MEG3: variants seen among roughly 807,000 people sequenced by gnomAD.
MEG3 encodes maternally expressed 3.
At chr14:100,843,007 A>G (rs1386014327) in intron 2 of MEG3, among the ~76,000 whole-genome samples, 1 of 152,190 alleles carries the variant, frequency 6.6e-6, no homozygotes, top group African/African-American at 2.4e-5. Context: ...CTAGCCCAGC[A>G]CTGCGTTATT....
At chr14:100,852,126 G>A (rs924898273) in intron 3 of MEG3, 4 of 342,482 alleles carry the variant, frequency 1.2e-5, no homozygotes, top group Non-Finnish European at 1.2e-5. Flanking sequence ...AGTGGGAGGC[G>A]TCATGCTCAG....
intron 2 of MEG3, among the ~76,000 whole-genome samples, chr14:100,844,455 C>A (rs780534996): frequency 5.4e-5 from 8 of 149,522 alleles, no homozygotes; most frequent in Non-Finnish European, 8.9e-5. Context: ...TCATTCAACA[C>A]ATTTTTTAAA....
intron 2 of MEG3, chr14:100,836,429 A>G (rs1283133158): frequency 2.4e-6 from 1 of 424,568 alleles, no homozygotes; most frequent in Non-Finnish European, 4.6e-6. Flanking sequence ...TTCTCTTCAC[A>G]TCAGCCCCAG....
downstream of MEG3, chr14:100,834,064 C>A (rs144291542): frequency 6.6e-6 from 1 of 152,242 alleles, no homozygotes; most frequent in Non-Finnish European, 1.5e-5. Flanking sequence ...TTTGCCAAGG[C>A]GAGACTTTCC....
chr14:100,827,992 G>T lies in MEG3; in HGVS notation n.372-716G>T, dbSNP rs572916911. On this transcript the variant is annotated intron_variant and non_coding_transcript_variant, in intron 1 of 2. Transcript: ENST00000556407. ...GGGCTGGGGCCCGGTGGCTGGGGGC[G>T]CAGGAGGCGCCTGGTGCGGGCGGGA... Among the ~76,000 whole-genome samples the T allele has an allele frequency of 5.8e-4, 88 of 152,304 alleles. No homozygotes were observed. The South Asian group carries it at 9.7e-3, about 17-fold the overall frequency.
At chr14:100,857,437 G>T (rs963796166) in exon 1 of MEG3, 6 of 152,192 alleles carry the variant, frequency 3.9e-5, no homozygotes, top group African/African-American at 1.4e-4. Flanking sequence ...CTGGGAATGG[G>T]CATATGTTGG....
At chr14:100,848,518 T>C (rs952785573) in intron 3 of MEG3, 1 of 151,800 alleles carries the variant, frequency 6.6e-6, no homozygotes, top group Non-Finnish European at 1.5e-5. Context: ...GGGATGAGGG[T>C]CATTGATCCT....
chr14:100,840,495 GC>G (rs1371983798), intron 2 of MEG3, among the ~76,000 whole-genome samples: 2 of 123,204 alleles, frequency 1.6e-5, no homozygotes, highest in African/African-American at 6.1e-5. Flanking sequence ...AATGGAAGGT[GC>G]CTTTTTTTCC....
At chr14:100,847,430 G>A (rs1299920970) in intron 3 of MEG3, 1 of 152,198 alleles carries the variant, frequency 6.6e-6, no homozygotes. Flanking sequence ...GAAAGGATAT[G>A]AGAAAGGTAA....
chr14:100,835,690 C>G (rs1287133849), exon 1 of MEG3: 5 of 168,488 alleles, frequency 3.0e-5, no homozygotes, highest in Non-Finnish European at 6.2e-5. Context: ...CTGAGTACCA[C>G]TCCCCTGCCC....
chr14:100,834,900 G>C, exon 1 of MEG3: 1 of 433,504 alleles, frequency 2.3e-6, no homozygotes, highest in Non-Finnish European at 4.7e-6. Flanking sequence ...CGGGGGCCTT[G>C]CTGGTCGCGT....
chr14:100,842,231 T>C (rs865909461), intron 2 of MEG3, among the ~76,000 whole-genome samples: 32 of 152,156 alleles, frequency 2.1e-4, no homozygotes, highest in African/African-American at 7.7e-4. Context: ...GGCAGACTGC[T>C]TTCCCAAGGC....
intron 2 of MEG3, among the ~76,000 whole-genome samples, chr14:100,838,085 G>T (rs549037515): frequency 6.6e-6 from 1 of 152,176 alleles, no homozygotes; most frequent in Non-Finnish European, 1.5e-5. Context: ...GGGGTCCTGG[G>T]GGGATCCTGT....
chr14:100,837,904 C>T lies in MEG3; in HGVS notation n.3045+1604C>T, dbSNP rs2139961852. On this transcript the variant is annotated intron_variant and non_coding_transcript_variant, in intron 2 of 3. Transcript: ENST00000398461. This position sits in a 1 kb window ranked among gnomAD's most constrained non-coding sequence, Gnocchi z 5.8. ...TCTGCTCTCTGGAGAGCCCCAGAGC[C>T]TGGAGAGACGGGGAGGGGAGTGTGT... 6.6e-6 allele frequency among the ~76,000 whole-genome samples: 1 copy of T among 152,074 alleles called. No individual in the cohort carries two copies. Among genetic ancestry groups the T allele is most frequent in the Non-Finnish European group, 1.5e-5 (1 of 67,990 alleles).
intron 2 of MEG3, chr14:100,836,326 C>G: frequency 2.2e-6 from 1 of 455,780 alleles, no homozygotes; most frequent in Non-Finnish European, 4.4e-6. Context: ...TCTTGAGACC[C>G]AGGATTTTAT....
intron 2 of MEG3, among the ~76,000 whole-genome samples, chr14:100,843,361 G>A (rs1240202111): frequency 1.3e-5 from 2 of 152,174 alleles, no homozygotes; most frequent in South Asian, 2.1e-4. Context: ...AGGACGTGGC[G>A]ATGGTGAGAG....
chr14:100,826,774 A>G (rs1232692812), intron 1 of MEG3, among the ~76,000 whole-genome samples: 2 of 152,072 alleles, frequency 1.3e-5, no homozygotes, highest in Non-Finnish European at 2.9e-5. Context: ...GAATCCAAAT[A>G]CACAGGTTTA....
chr14:100,848,486 G>T (rs905329293), intron 3 of MEG3: 1 of 152,210 alleles, frequency 6.6e-6, no homozygotes, highest in Non-Finnish European at 1.5e-5. Context: ...TGCATTGACC[G>T]ATGAGGAGGG....
rs2037905082 is a variant in MEG3, at chr14:100,845,917, T to G, written n.3121+384T>G. On this transcript the variant is annotated intron_variant and non_coding_transcript_variant, in intron 3 of 3. Coordinates refer to the MEG3 transcript ENST00000398461. The surrounding 1 kb of genome is among the most constrained non-coding windows in gnomAD (Gnocchi z 5.2). ...AGTGCCCTGTGAGCTGGGGGGCCCT[T>G]CAAAGGGCCAAGGAGAAAACGCAGG... 6.4e-6 allele frequency: 1 copy of G among 155,478 alleles called. No homozygotes were observed. The highest frequency in any genetic ancestry group is 2.4e-5 in the African/African-American group (1 of 41,456). The allele number at this position is 155,478 out of a possible 1,614,324, so 9.6% of individuals were successfully genotyped here.
Sources: allele counts gnomAD v4.1 joint callset (sites outside exome capture counted in the v4.1 genomes callset), GRCh38; gene constraint gnomAD v4.1.1; non-coding constraint Gnocchi (gnomAD v3.1); transcripts MANE v1.5; gene names NCBI Gene and HGNC (gene_info 2026-07-23, HGNC 2026-07-21).